CCSER1: variants seen among roughly 807,000 people sequenced by gnomAD.
CCSER1 encodes the protein coiled-coil serine rich protein 1.
Under a neutral mutation model 82.0 loss-of-function variants are expected in CCSER1, and 41 were observed. The observed-to-expected ratio is 0.50, with a 90% CI of 0.39 to 0.65. The LOEUF (loss-of-function observed/expected upper bound fraction) is 0.65, where lower values mean the gene tolerates loss of function less well. Ranked by LOEUF, CCSER1 falls within the 30% of genes least tolerant of loss-of-function variation. The pLI, the probability that CCSER1 is intolerant of heterozygous loss-of-function variation, is 0.00. For missense variants in CCSER1, 1,119 were observed against 1,064.2 expected (o/e 1.05, Z -0.72); for synonymous variants, 414 against 383.9 (o/e 1.08, Z -0.92).
chr4:90,295,614 T>C (rs1731730460), intron 1 of CCSER1, among the ~76,000 whole-genome samples: 1 of 152,100 alleles, frequency 6.6e-6, no homozygotes, highest in Non-Finnish European at 1.5e-5. Flanking sequence ...TACTTGTTCT[T>C]ATTCTTTGCT....
intron 9 of CCSER1, among the ~76,000 whole-genome samples, chr4:90,943,950 T>C (rs1731913759): frequency 6.6e-6 from 1 of 151,150 alleles, no homozygotes; most frequent in African/African-American, 2.4e-5. Flanking sequence ...GTGAAAAATA[T>C]CAGGCCGGCG....
intron 8 of CCSER1, among the ~76,000 whole-genome samples, chr4:90,865,821 T>C (rs905623524): frequency 7.9e-5 from 12 of 152,004 alleles, no homozygotes; most frequent in African/African-American, 2.9e-4. Context: ...TGCACTGCTA[T>C]ATAGAAATAC....
At position 91,603,515 on chromosome 4, in the gene CCSER1, T is replaced by C. The variant is rs970479369; in HGVS notation, c.*4458T>C. On this transcript the variant is annotated 3_prime_UTR_variant, in exon 11 of 11. Transcript: ENST00000509176. ...AGTTAAGGTGAAATAAAATCATTAA[T>C]AGAGAGTAGGTTCCTTCCATTTGAG... 13 of 152,090 alleles carry C rather than the reference T, an allele frequency of 8.5e-5. No individual in the cohort carries two copies. Among genetic ancestry groups the C allele is most frequent in the African/African-American group, 2.9e-4 (12 of 41,450 alleles). The allele number at this position is 152,090 out of a possible 1,614,324, so 9.4% of individuals were successfully genotyped here.
chr4:90,426,768 T>C (rs572382592), intron 4 of CCSER1, among the ~76,000 whole-genome samples: 1 of 152,254 alleles, frequency 6.6e-6, no homozygotes, highest in Non-Finnish European at 1.5e-5. Flanking sequence ...CTCTATTCTC[T>C]ATATCAGTAA....
chr4:90,231,927 A>T (rs990853301), intron 1 of CCSER1, among the ~76,000 whole-genome samples: 22 of 150,602 alleles, frequency 1.5e-4, no homozygotes, highest in Admixed American at 3.3e-4. Flanking sequence ...GATGTGAAGG[A>T]CCTCTTCAAG....
intron 4 of CCSER1, among the ~76,000 whole-genome samples, chr4:90,452,542 G>A (rs533405314): frequency 6.6e-6 from 1 of 152,330 alleles, no homozygotes; most frequent in African/African-American, 2.4e-5. Context: ...GTCAAAACAA[G>A]CTCCTTCCTT....
intron 10 of CCSER1, among the ~76,000 whole-genome samples, chr4:91,474,277 T>C (rs1328547449): frequency 6.6e-6 from 1 of 151,996 alleles, no homozygotes; most frequent in Admixed American, 6.6e-5. Context: ...TAAAAATCTT[T>C]GTATAACAGT....
At chr4:90,617,331 TAAG>T (rs1721474523) in intron 5 of CCSER1, among the ~76,000 whole-genome samples, 1 of 152,128 alleles carries the variant, frequency 6.6e-6, no homozygotes, top group Non-Finnish European at 1.5e-5. Flanking sequence ...TTGGTTGTAT[TAAG>T]AAGAGGGCTG....
intron 10 of CCSER1, among the ~76,000 whole-genome samples, chr4:91,338,334 G>A (rs1534556): frequency 0.73 from 111,079 of 152,022 alleles, 40,713 homozygotes; most frequent in East Asian, 0.88. Context: ...GCAACATACC[G>A]TGTAAATCAT....
At chr4:90,408,183 C>G (rs910592754) in intron 4 of CCSER1, among the ~76,000 whole-genome samples, 4 of 152,214 alleles carry the variant, frequency 2.6e-5, no homozygotes, top group Admixed American at 2.6e-4. Context: ...GGCCTGCCTG[C>G]CTCTGTAGGC....
At position 90,493,432 on chromosome 4, in the gene CCSER1, G is replaced by A. The variant is rs183498399; in HGVS notation, c.1724+25078G>A. 4.2e-3 allele frequency among the ~76,000 whole-genome samples: 641 copies of A among 152,128 alleles called. 6 individuals are homozygous for A. Among genetic ancestry groups the A allele is most frequent in the African/African-American group, 0.014 (593 of 41,510 alleles). On this transcript the variant is annotated intron_variant, in intron 5 of 10. Transcript: ENST00000509176. Reference sequence around the variant, plus strand: ...CAGAGATGCCACAAAGATACTCCTCGAGAAGAGCAACTCCAATACACATAA... The same window carrying A: ...CAGAGATGCCACAAAGATACTCCTCAAGAAGAGCAACTCCAATACACATAA...
intron 6 of CCSER1, among the ~76,000 whole-genome samples, chr4:90,632,187 CAT>C (rs1432600002): frequency 4.6e-5 from 7 of 152,016 alleles, no homozygotes; most frequent in African/African-American, 1.7e-4. Flanking sequence ...TGAGGTATCA[CAT>C]GTTTAATATT....
chr4:91,081,404 G>T (rs571032981), intron 9 of CCSER1, among the ~76,000 whole-genome samples: 15 of 152,202 alleles, frequency 9.9e-5, no homozygotes, highest in Non-Finnish European at 1.8e-4. Context: ...GTATTCATGG[G>T]ACATATCTCA....
chr4:91,482,950 G>C (rs1055325579), intron 10 of CCSER1, among the ~76,000 whole-genome samples: 5 of 152,116 alleles, frequency 3.3e-5, no homozygotes, highest in East Asian at 1.9e-4. Context: ...GTTGTGGGGT[G>C]GGGGGAGCGG....
intron 1 of CCSER1, among the ~76,000 whole-genome samples, chr4:90,205,127 G>A (rs922980478): frequency 1.3e-5 from 2 of 152,200 alleles, no homozygotes; most frequent in African/African-American, 2.4e-5. Flanking sequence ...ATCCAATCAT[G>A]TCATCTGCAA....
chr4:91,158,903 G>C (rs1581671721), intron 10 of CCSER1, among the ~76,000 whole-genome samples: 1 of 151,952 alleles, frequency 6.6e-6, no homozygotes, highest in African/African-American at 2.4e-5. Flanking sequence ...ATATTGGCTT[G>C]CTATCTCAAA....
At chr4:90,929,948 A>G (rs1251620080) in intron 9 of CCSER1, among the ~76,000 whole-genome samples, 1 of 152,212 alleles carries the variant, frequency 6.6e-6, no homozygotes, top group Non-Finnish European at 1.5e-5. Flanking sequence ...TCCACATTGT[A>G]TACATATATC....
chr4:90,811,995 C>CACACACATATATAT lies in CCSER1; in HGVS notation c.2011-3766_2011-3765insCACACATATATATA, dbSNP rs367800484. ...ATATATATATATATATATATAAACA[C>CACACACATATATAT]ATATATATATATGAGTTTATTAAGT... is the stretch of plus-strand genomic sequence containing the variant. On this transcript the variant is annotated intron_variant, in intron 7 of 10. Coordinates refer to ENST00000509176, the MANE Select transcript of CCSER1 (RefSeq NM_001145065.2). 6.1e-3 allele frequency among the ~76,000 whole-genome samples: 865 copies of CACACACATATATAT among 142,756 alleles called. 7 individuals are homozygous for CACACACATATATAT. Among genetic ancestry groups the CACACACATATATAT allele is most frequent in the African/African-American group, 0.022 (830 of 38,470 alleles). The allele number at this position is 142,756 out of a possible 152,430, so 93.7% of individuals were successfully genotyped here.
intron 10 of CCSER1, among the ~76,000 whole-genome samples, chr4:91,447,286 T>C (rs1755622303): frequency 6.6e-6 from 1 of 152,116 alleles, no homozygotes; most frequent in Admixed American, 6.6e-5. Context: ...TTATAGTTGA[T>C]TCTCCCCTTT....
Sources: allele counts gnomAD v4.1 joint callset (sites outside exome capture counted in the v4.1 genomes callset), GRCh38; gene constraint gnomAD v4.1.1; transcripts MANE v1.5; gene names NCBI Gene and HGNC (gene_info 2026-07-23, HGNC 2026-07-21).